EPHA1: variants seen among roughly 807,000 people sequenced by gnomAD.
EPHA1 encodes the protein EPH receptor A1, also known as ephrin type-A receptor 1.
Under a neutral mutation model 110.1 loss-of-function variants are expected in EPHA1, and 92 were observed. The ratio of observed to expected loss-of-function variants is 0.84; its 90% CI spans 0.71 to 0.99. EPHA1 has a LOEUF of 0.99. Among genes scored for constraint, EPHA1 ranks in the 50% least tolerant of loss-of-function variants. The pLI is 0.00. For synonymous variants in EPHA1, 500 were observed against 516.1 expected, an observed-to-expected ratio of 0.97 and a Z score of 0.42; for missense variants, 1,204 against 1,285.4, an observed-to-expected ratio of 0.94 and a Z score of 0.97.
chr7:143,392,295 G>C (rs1586576355), intron 16 of EPHA1, among the ~76,000 whole-genome samples: 1 of 152,196 alleles, frequency 6.6e-6, no homozygotes, highest in Admixed American at 6.5e-5. Flanking sequence ...AAGCTCGCCA[G>C]AGCCAAAAAC....
Position 143,393,475 on chromosome 7 carries a change from C to A in EPHA1, c.2696+196G>T, listed in dbSNP as rs368204794. On this transcript the variant is annotated intron_variant, in intron 16 of 17. Coordinates refer to ENST00000275815, the MANE Select transcript of EPHA1 (RefSeq NM_005232.5). This position sits in a 1 kb window ranked among gnomAD's most constrained non-coding sequence, Gnocchi z 5.6. ...GTGAAGTGAGGGAACTGGGGCCCAG[C>A]CATAACTGATTTTCTGCAAATATGC... is the stretch of plus-strand genomic sequence containing the variant. 1.3e-5 allele frequency among the ~76,000 whole-genome samples: 2 copies of A among 152,256 alleles called. No homozygotes were observed. Among genetic ancestry groups the A allele is most frequent in the South Asian group, 4.2e-4 (2 of 4,816 alleles).
chr7:143,397,595 C>T lies in EPHA1; in HGVS notation c.1678G>A (p.Ala560Thr), dbSNP rs1437436171. 2 of 1,614,052 alleles carry T rather than the reference C, an allele frequency of 1.2e-6. No homozygotes were observed. The change falls in exon 9 of 18, where the codon GCC becomes ACC. Residue 560 changes from alanine to threonine, a missense_variant. Physicochemically the swap from Ala to Thr is moderately conservative, Grantham distance 58. Transcript: ENST00000275815. ...AAAACGAGAATCCCAAGCAGCAAGG[C>T]TGCACCAAGCAGCAGCCCAAAGATG... is the stretch of plus-strand genomic sequence containing the variant. ...AVIFGLLLGA[A>T]LLLGILVFRS...
chr7:143,395,113 C>G lies in EPHA1; in HGVS notation c.2145+8G>C, dbSNP rs765350929. Reference sequence around the variant, plus strand: ...CCCCCTCCCCAGCTAGTCCTCTGCCCTCCTCACCCTCAGGAAGGCATCCAG... The same window carrying G: ...CCCCCTCCCCAGCTAGTCCTCTGCCGTCCTCACCCTCAGGAAGGCATCCAG... On this transcript the variant is annotated splice_region_variant and intron_variant, in intron 13 of 17. Transcript: ENST00000275815. The surrounding 1 kb of genome is among the most constrained non-coding windows in gnomAD (Gnocchi z 4.7). The G allele has an allele frequency of 6.2e-7, 1 of 1,614,062 alleles. No individual in the cohort carries two copies. The highest frequency in any genetic ancestry group is 8.5e-7 in the Non-Finnish European group (1 of 1,180,006).
Position 143,393,927 on chromosome 7 carries a change from C to T in EPHA1, c.2503-63G>A, listed in dbSNP as rs760738559. 2.9e-4 allele frequency: 437 copies of T among 1,486,222 alleles called. 1 individual carries two copies. Among genetic ancestry groups the T allele is most frequent in the Non-Finnish European group, 3.8e-4 (423 of 1,111,064 alleles). 92.1% of individuals were successfully genotyped at this position (1,486,222 alleles called of 1,614,324 possible). ...GCTAACCTGGAGGCCCATGAGAAAC[C>T]GACGGTCACACAAGATAATTGCAGT... is the stretch of plus-strand genomic sequence containing the variant. On this transcript the variant is annotated intron_variant, in intron 15 of 17. Transcript: ENST00000275815. This position sits in a 1 kb window ranked among gnomAD's most constrained non-coding sequence, Gnocchi z 5.6.
Position 143,391,203 on chromosome 7 carries a change from A to G in EPHA1, c.*254T>C. 8.1e-6 allele frequency: 4 copies of G among 494,038 alleles called. No individual in the cohort carries two copies. In the South Asian group the frequency reaches 1.1e-4, roughly 13 times the overall value. 30.6% of individuals were successfully genotyped at this position (494,038 alleles called of 1,614,324 possible). On this transcript the variant is annotated 3_prime_UTR_variant, in exon 18 of 18. Coordinates refer to ENST00000275815, the MANE Select transcript of EPHA1 (RefSeq NM_005232.5). ...TTCCTGTTTATTTACAAAAATATAT[A>G]TATGTGTATGTATGTATATATATTA...
rs1189260799 is a variant in EPHA1 at position 143,393,005 on chromosome 7, G to T, written c.2696+666C>A. Reference sequence around the variant, plus strand: ...AAATCCAAACTTCTCAACAGGGCTGGTCCTCTTTGTGTTGACTGGTTGTCT... The same window carrying T: ...AAATCCAAACTTCTCAACAGGGCTGTTCCTCTTTGTGTTGACTGGTTGTCT... On this transcript the variant is annotated intron_variant, in intron 16 of 17. Transcript: ENST00000275815. The surrounding 1 kb of genome is among the most constrained non-coding windows in gnomAD (Gnocchi z 5.6). Among the ~76,000 whole-genome samples, 1 of 152,104 alleles carries T rather than the reference G, an allele frequency of 6.6e-6. No individual in the cohort carries two copies. Among genetic ancestry groups the T allele is most frequent in the Non-Finnish European group, 1.5e-5 (1 of 68,008 alleles).
Position 143,397,915 on chromosome 7 carries a change from C to G in EPHA1, c.1615+5G>C. On this transcript the variant is annotated splice_donor_5th_base_variant and intron_variant, in intron 8 of 17. Transcript: ENST00000275815. Reference sequence around the variant, plus strand: ...TGTGTTGGGGCAGAGCACAAGATACCCCACCTGGTGGGCTGGTCCGAAACT... The same window carrying G: ...TGTGTTGGGGCAGAGCACAAGATACGCCACCTGGTGGGCTGGTCCGAAACT... 6.2e-7 allele frequency: 1 copy of G among 1,613,622 alleles called. No homozygotes were observed. The highest frequency in any genetic ancestry group is 8.5e-7 in the Non-Finnish European group (1 of 1,179,704).
intron 2 of EPHA1, among the ~76,000 whole-genome samples, chr7:143,404,810 T>A (rs1399287841): frequency 4.6e-5 from 7 of 152,200 alleles, no homozygotes. Flanking sequence ...CTCTGTCAGA[T>A]GAATTTTCAA....
At chr7:143,399,620 T>C in intron 4 of EPHA1, 31 bp downstream of exon 4, 1 of 1,610,894 alleles carries the variant, frequency 6.2e-7, no homozygotes, top group South Asian at 1.1e-5. Context: ...TCCCGAGTGG[T>C]TCCTCAGGTT....
In EPHA1 at chr7:143,401,810, A is replaced by G. The variant is rs1489539080; in HGVS notation, c.151-205T>C. Among the ~76,000 whole-genome samples the G allele has an allele frequency of 6.6e-6, 1 of 152,196 alleles. No homozygotes were observed. Among genetic ancestry groups the G allele is most frequent in the African/African-American group, 2.4e-5 (1 of 41,446 alleles). The stretch of plus-strand genomic sequence containing the variant: ...TTGGATATAAGATGGGCAAGACAAT[A>G]GTCCCTTAACATCCCTAGTTGATCC... On this transcript the variant is annotated intron_variant, in intron 2 of 17. Coordinates refer to ENST00000275815, the MANE Select transcript of EPHA1 (RefSeq NM_005232.5). This position sits in a 1 kb window ranked among gnomAD's most constrained non-coding sequence, Gnocchi z 4.1.
rs1284205407 is a variant in EPHA1 at position 143,396,077 on chromosome 7, C to T, written c.1897+308G>A. Among the ~76,000 whole-genome samples, 3 of 152,200 alleles carry T rather than the reference C, an allele frequency of 2.0e-5. No homozygotes were observed. In the East Asian group the frequency reaches 5.8e-4, roughly 29 times the overall value. Reference sequence around the variant, plus strand: ...GGGCATCATCACAGAACATCTGGACCCTCAGCACAGCAGCACCTCTGTGGA... The same window carrying T: ...GGGCATCATCACAGAACATCTGGACTCTCAGCACAGCAGCACCTCTGTGGA... On this transcript the variant is annotated intron_variant, in intron 11 of 17. Transcript: ENST00000275815.
In EPHA1 at chr7:143,398,790, AG is replaced by A. The variant is rs773478549; in HGVS notation, c.1146del (p.Cys383AlafsTer71). 8 of 1,613,552 alleles carry A rather than the reference AG, an allele frequency of 5.0e-6. No homozygotes were observed. The African/African-American group carries it at 5.3e-5, about 11-fold the overall frequency. On this transcript the variant is annotated frameshift_variant, in exon 6 of 18. Coordinates refer to ENST00000275815, the MANE Select transcript of EPHA1 (RefSeq NM_005232.5). LOFTEE classifies it high-confidence loss of function. Reference protein sequence around the residue: ...QCQGTAQDGGPCQPCGVGVHF... With the variant: ...QCQGTAQDGGXCQPCGVGVHF... Reference sequence around the variant, plus strand: ...TGCACGCCCACCCCACAGGGCTGGCAGGGCCCCCCGTCCTGTGCTGTGCCCT... The same window carrying A: ...TGCACGCCCACCCCACAGGGCTGGCAGGCCCCCCGTCCTGTGCTGTGCCCT...
chr7:143,395,542 G>T lies in EPHA1; in HGVS notation c.1898-38C>A. The T allele has an allele frequency of 6.2e-7, 1 of 1,600,548 alleles. No homozygotes were observed. The highest frequency in any genetic ancestry group is 8.5e-7 in the Non-Finnish European group (1 of 1,170,578). On this transcript the variant is annotated intron_variant, in intron 11 of 17. Coordinates refer to ENST00000275815, the MANE Select transcript of EPHA1 (RefSeq NM_005232.5). This position sits in a 1 kb window ranked among gnomAD's most constrained non-coding sequence, Gnocchi z 4.7. ...AAAACAGGCTGTGGCCCGATGCACT[G>T]CAGGGCTCCTCCAGGGGACAGGCAG...
At chr7:143,394,728 G>A in intron 14 of EPHA1, 80 bp downstream of exon 14, 1 of 1,539,018 alleles carries the variant, frequency 6.5e-7, no homozygotes, top group Non-Finnish European at 8.9e-7. Context: ...CCAAGTCTTT[G>A]TGCCTATATA....
rs1214959778 is a variant in EPHA1 at position 143,393,033 on chromosome 7, C to T, written c.2696+638G>A. Among the ~76,000 whole-genome samples, 1 of 152,186 alleles carries T rather than the reference C, an allele frequency of 6.6e-6. No individual in the cohort carries two copies. The highest frequency in any genetic ancestry group is 1.5e-5 in the Non-Finnish European group (1 of 68,040). ...CTCTTTGTGTTGACTGGTTGTCTCT[C>T]CAGCCTCATGGCTGCTATTCCTAAA... On this transcript the variant is annotated intron_variant, in intron 16 of 17. Transcript: ENST00000275815. The surrounding 1 kb of genome is among the most constrained non-coding windows in gnomAD (Gnocchi z 5.6).
rs57652656 is a variant in EPHA1, at chr7:143,398,793, G to A, written c.1144C>T (p.Pro382Ser). ...ACGCCCACCCCACAGGGCTGGCAGG[G>A]CCCCCCGTCCTGTGCTGTGCCCTGA... ...QCQGTAQDGG[P>S]CQPCGVGVHF... is the part of the protein sequence containing the mutation. Residue 382 changes from proline to serine, a missense_variant, in exon 6 of 18, where the codon CCC (proline) becomes TCC (serine). Physicochemically the swap from Pro to Ser is moderately conservative, Grantham distance 74. Transcript: ENST00000275815. 8.7e-6 allele frequency: 14 copies of A among 1,613,446 alleles called. No homozygotes were observed. The highest frequency in any genetic ancestry group is 1.6e-4 in the Middle Eastern group (1 of 6,084).
Position 143,401,423 on chromosome 7 carries a change from C to T in EPHA1, c.333G>A (p.Gly111=), listed in dbSNP as rs750618768. The change falls in exon 3 of 18, where the codon GGG becomes GGA. Residue 111 remains glycine (G), a synonymous_variant. Transcript: ENST00000275815. This position sits in a 1 kb window ranked among gnomAD's most constrained non-coding sequence, Gnocchi z 4.1. The part of the protein sequence containing the change: ...FTVRDCKSFP[G]GAGPLGCKET... ...CCTTGCAGCCCAGAGGCCCGGCTCCCCCAGGGAAACTCTTGCAGTCCCGCA... is the reference window on the plus strand; with the variant it reads ...CCTTGCAGCCCAGAGGCCCGGCTCCTCCAGGGAAACTCTTGCAGTCCCGCA... 7 of 1,613,984 alleles carry T rather than the reference C, an allele frequency of 4.3e-6. No individual in the cohort carries two copies. Among genetic ancestry groups the T allele is most frequent in the South Asian group, 1.1e-5 (1 of 91,090 alleles).
chr7:143,397,567 C>A lies in EPHA1; in HGVS notation c.1706G>T (p.Arg569Leu). 1 of 1,614,082 alleles carries A rather than the reference C, an allele frequency of 6.2e-7. No homozygotes were observed. The highest frequency in any genetic ancestry group is 8.5e-7 in the Non-Finnish European group (1 of 1,180,018). The change falls in exon 9 of 18, where the codon CGG becomes CTG. Residue 569 changes from arginine (R) to leucine (L), a missense_variant. By Grantham distance (102) the Arg-to-Leu change is moderately radical (BLOSUM62 -2). Transcript: ENST00000275815. ...AGGGGGCAGGAGCTGGCACCTGGAC[C>A]GGAAAACGAGAATCCCAAGCAGCAA... Reference protein sequence around the residue: ...AALLLGILVFRSRRAQRQRQQ... With the variant: ...AALLLGILVFLSRRAQRQRQQ...
In EPHA1 at chr7:143,397,173, A is replaced by G. The variant is rs1036422187; in HGVS notation, c.1771+131T>C. 7.2e-6 allele frequency: 8 copies of G among 1,108,238 alleles called. No homozygotes were observed. In the Admixed American group the frequency reaches 1.8e-4, roughly 25 times the overall value. The allele number at this position is 1,108,238 out of a possible 1,614,324, so 68.7% of individuals were successfully genotyped here. On this transcript the variant is annotated intron_variant, in intron 10 of 17. Transcript: ENST00000275815. ...GAGCCCTGGGGACAACAAACCCCAC[A>G]TGTGCCCCCAGAGTTGGCCTAGCAA...
Sources: allele counts gnomAD v4.1 joint callset (sites outside exome capture counted in the v4.1 genomes callset), GRCh38; gene constraint gnomAD v4.1.1; non-coding constraint Gnocchi (gnomAD v3.1); transcripts MANE v1.5; gene names NCBI Gene and HGNC (gene_info 2026-07-23, HGNC 2026-07-21).